Variants in HOXA3 observed in about 807,000 individuals in gnomAD.
HOXA3 encodes the protein homeobox A3.
HOXA3 carries 8 observed loss-of-function variants against 30.3 expected under a neutral mutation model. The ratio of observed to expected loss-of-function variants is 0.26; its 90% confidence interval spans 0.15 to 0.48. HOXA3 has a LOEUF of 0.48. Ranked by LOEUF, HOXA3 falls within the 20% of genes least tolerant of loss-of-function variation. The pLI, the probability that HOXA3 is intolerant of heterozygous loss-of-function variation, is 0.99. For synonymous variants in HOXA3, 323 were observed against 273.1 expected (o/e 1.18, Z -1.80); for missense variants, 653 against 614.4 (o/e 1.06, Z -0.66).
chr7:27,134,651 G>A (rs941585115), intron 2 of HOXA3, among the ~76,000 whole-genome samples: 1 of 152,180 alleles, frequency 6.6e-6, no homozygotes, highest in Non-Finnish European at 1.5e-5. Flanking sequence ...CACCACAGTT[G>A]TTTCCTTTCT....
In HOXA3 at chr7:27,107,978, G is replaced by A. The variant is rs748997447; in HGVS notation, c.1269C>T (p.Asp423=). 4.5e-5 allele frequency: 72 copies of A among 1,608,702 alleles called. No homozygotes were observed. In the South Asian group the frequency reaches 7.9e-4, roughly 18 times the overall value. ...GPGEPHPTYT[D]LTGHHPSQGR... ...CCTGAGAAGGATGGTGGCCGGTAAGGTCCGTGTAGGTGGGGTGCGGCTCCC... is the reference window on the plus strand; with the variant it reads ...CCTGAGAAGGATGGTGGCCGGTAAGATCCGTGTAGGTGGGGTGCGGCTCCC... Residue 423 remains aspartate (D), a synonymous_variant, in exon 6 of 6, where the codon GAC becomes GAT. Coordinates refer to ENST00000612286, the MANE Select transcript of HOXA3 (RefSeq NM_153631.3).
At chr7:27,147,709 AG>A (rs759402904) in intron 1 of HOXA3, 2 of 1,612,450 alleles carry the variant, frequency 1.2e-6, no homozygotes, top group Non-Finnish European at 1.7e-6. Context: ...GCCGCTGGGA[AG>A]GCTCCCGGGG....
chr7:27,144,097 T>G (rs750174725), intron 1 of HOXA3, among the ~76,000 whole-genome samples: 1 of 152,184 alleles, frequency 6.6e-6, no homozygotes, highest in Non-Finnish European at 1.5e-5. Flanking sequence ...ATGCAGAGGA[T>G]TGGGGGGAGG....
rs1319069268 is a variant in HOXA3, at chr7:27,147,510, A to G, written c.-494+4778T>C. 2.5e-6 allele frequency: 4 copies of G among 1,614,064 alleles called. No individual in the cohort carries two copies. In the Admixed American group the frequency reaches 6.7e-5, roughly 27 times the overall value. On this transcript the variant is annotated intron_variant, in intron 1 of 5. Transcript: ENST00000612286. ...AGGCGCCACTGAGGTCCTTATCAGA[A>G]TAGAAACACGAGGCCCCGTACTCGT... is the stretch of plus-strand genomic sequence containing the variant.
intron 1 of HOXA3, chr7:27,143,249 T>A: frequency 6.2e-7 from 1 of 1,608,010 alleles, no homozygotes. Flanking sequence ...GCTTAGGGAG[T>A]TTTTCCCGCC....
At chr7:27,143,029 A>G (rs761701779) in intron 1 of HOXA3, 6 of 1,498,558 alleles carry the variant, frequency 4.0e-6, no homozygotes, top group East Asian at 4.9e-5. Flanking sequence ...GTGGATTTAG[A>G]AAAAGGCTGG....
At position 27,108,191 on chromosome 7, in the gene HOXA3, G is replaced by A. The variant is rs1164859943; in HGVS notation, c.1056C>T (p.Asn352=). The A allele has an allele frequency of 1.9e-6, 3 of 1,547,262 alleles. No individual in the cohort carries two copies. The highest frequency in any genetic ancestry group is 2.0e-5 in the Admixed American group (1 of 50,824). The change falls in exon 6 of 6, where the codon AAC becomes AAT. Residue 352 remains asparagine, a synonymous_variant. Coordinates refer to ENST00000612286, the MANE Select transcript of HOXA3 (RefSeq NM_153631.3). This position sits in a 1 kb window ranked among gnomAD's most constrained non-coding sequence, Gnocchi z 5.0. ...GTATGTGTGGGGTCCCATAGCTGCC[G>A]TTGCCCTGCAGGCCATGAGCGTGCG... ...YDPHAHGLQG[N]GSYGTPHIQG...
intron 4 of HOXA3, among the ~76,000 whole-genome samples, chr7:27,114,827 AATATATATT>A (rs1491439396): frequency 1.0e-5 from 1 of 98,520 alleles, no homozygotes; most frequent in African/African-American, 4.0e-5. Context: ...ATATATATAT[AATATATATT>A]ATATATATAA....
intron 1 of HOXA3, chr7:27,143,224 G>T: frequency 6.2e-7 from 1 of 1,610,106 alleles, no homozygotes; most frequent in African/African-American, 1.3e-5. Flanking sequence ...CGTCGGCCGA[G>T]GCGCCGCTGG....
chr7:27,117,574 C>A (rs555181447), intron 4 of HOXA3, among the ~76,000 whole-genome samples: 2 of 152,252 alleles, frequency 1.3e-5, no homozygotes, highest in Non-Finnish European at 2.9e-5. Flanking sequence ...GGGAAGCATG[C>A]TCTGCAATCT....
Position 27,152,579 on chromosome 7 carries a change from A to T in HOXA3, c.-785T>A. The T allele has an allele frequency of 8.4e-7, 1 of 1,192,078 alleles. No individual in the cohort carries two copies. The highest frequency in any genetic ancestry group is 1.6e-5 in the South Asian group (1 of 63,626). 73.8% of individuals were successfully genotyped at this position (1,192,078 alleles called of 1,614,324 possible). On this transcript the variant is annotated 5_prime_UTR_variant, in exon 1 of 6. Coordinates refer to ENST00000612286, the MANE Select transcript of HOXA3 (RefSeq NM_153631.3). ...CAGGCAGGACGGAGCGGAGCAAAAG[A>T]ATGCGGCTCTATTCTCGCAAGGGAA...
intron 4 of HOXA3, among the ~76,000 whole-genome samples, chr7:27,120,402 A>C (rs1378588169): frequency 6.6e-6 from 1 of 151,922 alleles, no homozygotes; most frequent in Non-Finnish European, 1.5e-5. Flanking sequence ...TTAGCCAGGC[A>C]TGGTGGTGCA....
intron 4 of HOXA3, among the ~76,000 whole-genome samples, chr7:27,114,169 G>A (rs896577848): frequency 5.8e-4 from 88 of 151,788 alleles, no homozygotes; most frequent in African/African-American, 2.1e-3. Context: ...GGCGGTGGCG[G>A]GAGGAGGGCA....
chr7:27,134,106 T>C (rs1331593884), intron 2 of HOXA3: 2 of 152,238 alleles, frequency 1.3e-5, no homozygotes, highest in Non-Finnish European at 2.9e-5. Context: ...GACTGTTCTC[T>C]ATCTGATGCA....
intron 3 of HOXA3, among the ~76,000 whole-genome samples, chr7:27,125,631 GA>G (rs1449389494): frequency 3.3e-5 from 5 of 152,374 alleles, no homozygotes; most frequent in Admixed American, 2.0e-4. Flanking sequence ...CAGCAGTTGA[GA>G]AAGGTGAGCC....
intron 3 of HOXA3, among the ~76,000 whole-genome samples, chr7:27,125,318 C>T (rs1785235936): frequency 6.6e-6 from 1 of 152,244 alleles, no homozygotes; most frequent in African/African-American, 2.4e-5. Flanking sequence ...AGGTCTCCTT[C>T]ACTTTGGACA....
intron 1 of HOXA3, chr7:27,143,237 T>G (rs770861655): frequency 3.1e-6 from 5 of 1,609,068 alleles, no homozygotes; most frequent in Non-Finnish European, 4.2e-6. Flanking sequence ...GCCGCTGGAG[T>G]TGCTTAGGGA....
Position 27,108,809 on chromosome 7 carries a change from GC to G in HOXA3, c.527-90del. The G allele has an allele frequency of 2.0e-6, 2 of 979,618 alleles. No homozygotes were observed. The highest frequency in any genetic ancestry group is 3.0e-6 in the Non-Finnish European group (2 of 673,666). 60.7% of individuals were successfully genotyped at this position (979,618 alleles called of 1,614,324 possible). A position where few individuals can be genotyped will look rare whatever the true frequency, so the allele number is the denominator to read the frequency against. On this transcript the variant is annotated intron_variant, in intron 5 of 5. Transcript: ENST00000612286. This position sits in a 1 kb window ranked among gnomAD's most constrained non-coding sequence, Gnocchi z 5.0. ...CCAGCCCGGCCCCTCCTTCCACCAG[GC>G]CCCAAAGGTTCCTGCATCCGTCAGG...
At chr7:27,139,978 A>G (rs1225772019) in intron 2 of HOXA3, 105 bp downstream of exon 2, 2 of 148,526 alleles carry the variant, frequency 1.3e-5, no homozygotes, top group East Asian at 4.0e-4. Context: ...TTTCGAATTC[A>G]GAGGCAGCCT....
Sources: gnomAD v4.1 joint callset for allele counts (sites outside exome capture counted in the v4.1 genomes callset) on GRCh38, gnomAD v4.1.1 for gene constraint, Gnocchi (gnomAD v3.1) non-coding constraint, MANE v1.5 for transcripts, NCBI Gene and HGNC (gene_info 2026-07-23, HGNC 2026-07-21) for gene names.